RUFY2: variants seen among roughly 807,000 people sequenced by gnomAD.
RUFY2 encodes RUN and FYVE domain-containing protein 2.
RUFY2 carries 49 observed loss-of-function variants against 94.4 expected under a neutral mutation model. The observed-to-expected ratio is 0.52, with a 90% CI of 0.41 to 0.66. RUFY2 has a LOEUF of 0.66. Ranked by LOEUF, RUFY2 falls within the 30% of genes least tolerant of loss-of-function variation. RUFY2 has a pLI of 0.00. For synonymous variants in RUFY2, 255 were observed against 235.7 expected (o/e 1.08, Z -0.75); for missense variants, 541 against 692.8 (o/e 0.78, Z 2.46).
At chr10:68,404,614 G>A (rs2051127267) in intron 2 of RUFY2, 57 bp downstream of exon 2, 1 of 1,310,026 alleles carries the variant, frequency 7.6e-7, no homozygotes, top group African/African-American at 1.5e-5. Flanking sequence ...CCATTCTCAA[G>A]GGCACTTGAA....
chr10:68,342,424 C>A, downstream of RUFY2: 1 of 168,724 alleles, frequency 5.9e-6, no homozygotes, highest in Admixed American at 5.9e-5. Context: ...AACTGCAAGT[C>A]TTAAGCAGAC....
intron 7 of RUFY2, among the ~76,000 whole-genome samples, chr10:68,391,508 C>T (rs968298188): frequency 6.6e-6 from 1 of 151,590 alleles, no homozygotes; most frequent in African/African-American, 2.4e-5. Flanking sequence ...AATTACTAGG[C>T]ATGGTGGTGC....
rs2047612063 is a variant in RUFY2 at position 68,363,643 on chromosome 10, T to C, written c.1497A>G (p.Lys499=). The part of the protein sequence containing the change: ...NLQDENQQLK[K]IYHEQEQALQ... ...GAGCTTGCTCTTGTTCATGATATAT[T>C]TTTTTCAACTGCTGATTTTCATCCT... The change falls in exon 15 of 18, where the codon AAA becomes AAG. Residue 499 remains lysine, a synonymous_variant. Coordinates refer to ENST00000602465, the MANE Select transcript of RUFY2 (RefSeq NM_001330103.2). 1 of 1,608,412 alleles carries C rather than the reference T, an allele frequency of 6.2e-7. No individual in the cohort carries two copies. The highest frequency in any genetic ancestry group is 1.7e-5 in the Admixed American group (1 of 59,018).
downstream of RUFY2, chr10:68,341,874 G>T (rs751716461): frequency 6.3e-7 from 1 of 1,598,292 alleles, no homozygotes; most frequent in Non-Finnish European, 8.6e-7. Context: ...AGTTCAGTTT[G>T]TGTTAGTCCG....
rs2049016542 is a variant in RUFY2, at chr10:68,380,928, T to C, written c.1107+304A>G. Among the ~76,000 whole-genome samples, 2 of 152,178 alleles carry C rather than the reference T, an allele frequency of 1.3e-5. 1 individual carries two copies. Among genetic ancestry groups the C allele is most frequent in the South Asian group, 4.1e-4 (2 of 4,828 alleles). ...AGCATTTCAATCAAAATTAAATCTT[T>C]CTTAGAACTACACTGGAAAAGGAAG... On this transcript the variant is annotated intron_variant, in intron 11 of 17. Transcript: ENST00000602465.
chr10:68,371,790 A>G (rs1480698901), intron 13 of RUFY2, among the ~76,000 whole-genome samples: 2 of 152,230 alleles, frequency 1.3e-5, no homozygotes, highest in Non-Finnish European at 2.9e-5. Flanking sequence ...GAAAGCAGTA[A>G]GACAGAAATG....
At chr10:68,389,292 A>T (rs1333131614) in intron 7 of RUFY2, among the ~76,000 whole-genome samples, 1 of 152,212 alleles carries the variant, frequency 6.6e-6, no homozygotes, top group Non-Finnish European at 1.5e-5. Flanking sequence ...ACTGAGAATG[A>T]GAAAAGTCTT....
At chr10:68,364,721 CTTCT>C (rs924298313) in intron 13 of RUFY2, among the ~76,000 whole-genome samples, 1 of 150,598 alleles carries the variant, frequency 6.6e-6, no homozygotes, top group African/African-American at 2.5e-5. Flanking sequence ...CTGCATTGTT[CTTCT>C]TTTTTTTTTT....
chr10:68,344,516 T>A lies in RUFY2; in HGVS notation c.*1252A>T, dbSNP rs1221322783. 1 of 152,228 alleles carries A rather than the reference T, an allele frequency of 6.6e-6. No homozygotes were observed. The highest frequency in any genetic ancestry group is 1.5e-5 in the Non-Finnish European group (1 of 68,046). 9.4% of individuals were successfully genotyped at this position (152,228 alleles called of 1,614,324 possible). ...CCATAAGCAATATAACTTGGATTAG[T>A]GTTCATTGAGTCAGCTTGAAATAGG... On this transcript the variant is annotated 3_prime_UTR_variant, in exon 18 of 18. Transcript: ENST00000602465.
chr10:68,347,502 T>C (rs567242144), intron 16 of RUFY2, among the ~76,000 whole-genome samples: 28 of 152,098 alleles, frequency 1.8e-4, no homozygotes, highest in Non-Finnish European at 3.5e-4. Context: ...CAGACTGGTC[T>C]CAAACTCCTG....
intron 15 of RUFY2, among the ~76,000 whole-genome samples, chr10:68,362,460 G>A (rs998098445): frequency 5.3e-5 from 8 of 152,084 alleles, no homozygotes; most frequent in South Asian, 2.1e-4. Context: ...TCAATCAGGC[G>A]CAAAGCTGCT....
At chr10:68,368,613 C>T (rs948621131) in intron 13 of RUFY2, among the ~76,000 whole-genome samples, 3 of 151,898 alleles carry the variant, frequency 2.0e-5, no homozygotes, top group Non-Finnish European at 2.9e-5. Flanking sequence ...GAGCCAAGAT[C>T]GCGCCATTGC....
chr10:68,393,648 G>A (rs545723188), intron 6 of RUFY2: 63 of 189,716 alleles, frequency 3.3e-4, no homozygotes, highest in Non-Finnish European at 5.5e-4. Flanking sequence ...AGAATCGCTT[G>A]AACCCAGGAG....
chr10:68,393,863 C>T, intron 6 of RUFY2: 1 of 1,055,362 alleles, frequency 9.5e-7, no homozygotes, highest in South Asian at 1.7e-5. Context: ...AACCAAAGGT[C>T]CCACTTCATA....
intron 16 of RUFY2, among the ~76,000 whole-genome samples, chr10:68,354,793 C>T (rs1263518378): frequency 1.3e-5 from 2 of 151,768 alleles, no homozygotes; most frequent in African/African-American, 2.4e-5. Context: ...GGCAATTTCA[C>T]TCTATCATGC....
At chr10:68,384,581 T>C (rs1213034644) in intron 8 of RUFY2, among the ~76,000 whole-genome samples, 1 of 152,188 alleles carries the variant, frequency 6.6e-6, no homozygotes, top group Non-Finnish European at 1.5e-5. Flanking sequence ...ATTGAAAATG[T>C]AATACAGACA....
intron 15 of RUFY2, among the ~76,000 whole-genome samples, chr10:68,360,539 C>T (rs540524295): frequency 6.6e-6 from 1 of 151,962 alleles, no homozygotes; most frequent in African/African-American, 2.4e-5. Flanking sequence ...GTCAGGAGAT[C>T]GAAACCATCC....
At chr10:68,353,568 G>A (rs1262581288) in intron 16 of RUFY2, among the ~76,000 whole-genome samples, 1 of 151,798 alleles carries the variant, frequency 6.6e-6, no homozygotes, top group African/African-American at 2.4e-5. Context: ...AGGAGGCCAA[G>A]ACTGGAGGAC....
chr10:68,386,963 C>G (rs1041650973), intron 7 of RUFY2, among the ~76,000 whole-genome samples: 4 of 152,072 alleles, frequency 2.6e-5, no homozygotes, highest in African/African-American at 9.7e-5. Context: ...AGCTAAACAC[C>G]CTGTCTTTCA....
Sources: gnomAD v4.1 joint callset for allele counts (sites outside exome capture counted in the v4.1 genomes callset) on GRCh38, gnomAD v4.1.1 for gene constraint, MANE v1.5 for transcripts, NCBI Gene and HGNC (gene_info 2026-07-23, HGNC 2026-07-21) for gene names.